The following SHISA9 variants were observed in gnomAD, a reference collection of about 807,000 sequenced individuals.
The protein encoded by SHISA9 is shisa family member 9.
Under a neutral mutation model 38.0 loss-of-function variants are expected in SHISA9, and 13 were observed. That is an observed-to-expected ratio of 0.34 (90% CI 0.22 to 0.54). SHISA9 has a LOEUF of 0.54. Among genes scored for constraint, SHISA9 ranks in the 20% least tolerant of loss-of-function variants. The pLI, the probability that SHISA9 is intolerant of heterozygous loss-of-function variation, is 0.91. For missense variants in SHISA9, 538 were observed against 575.8 expected, an observed-to-expected ratio of 0.93 and a Z score of 0.67; for synonymous variants, 275 against 242.0, an observed-to-expected ratio of 1.14 and a Z score of -1.27.
the SHISA9 span, among the ~76,000 whole-genome samples, chr16:13,467,990 T>TTTCA: frequency 6.3e-4 from 96 of 152,344 alleles, 2 homozygotes; most frequent in Non-Finnish European, 1.4e-3. Flanking sequence ...TCAAAAGAAC[T>TTTCA]GAAAAACTTA....
At chr16:12,955,314 C>T (rs577688366) in intron 2 of SHISA9, among the ~76,000 whole-genome samples, 10 of 152,190 alleles carry the variant, frequency 6.6e-5, no homozygotes, top group Admixed American at 2.0e-4. Flanking sequence ...CCCCTCCAAC[C>T]AATGGCCTCC....
the SHISA9 span, among the ~76,000 whole-genome samples, chr16:13,538,399 A>G: frequency 6.6e-6 from 1 of 152,220 alleles, no homozygotes; most frequent in Non-Finnish European, 1.5e-5. Context: ...ATTATTATCT[A>G]AACACTTGAA....
the SHISA9 span, among the ~76,000 whole-genome samples, chr16:13,308,870 A>G: frequency 6.6e-6 from 1 of 152,242 alleles, no homozygotes; most frequent in Non-Finnish European, 1.5e-5. Flanking sequence ...TATGTGGCAC[A>G]GGAGCCTCCA....
intron 2 of SHISA9, among the ~76,000 whole-genome samples, chr16:13,199,573 C>T (rs2050984170): frequency 6.6e-6 from 1 of 152,224 alleles, no homozygotes; most frequent in South Asian, 2.1e-4. Context: ...CTCTCCTCAG[C>T]TGCTTTCCTG....
intron 3 of SHISA9, among the ~76,000 whole-genome samples, chr16:13,212,184 T>G (rs545624884): frequency 6.6e-6 from 1 of 152,280 alleles, no homozygotes; most frequent in South Asian, 2.1e-4. Flanking sequence ...CTGATATATC[T>G]CTGGAAATAG....
At chr16:12,914,822 C>A (rs2071233327) in intron 1 of SHISA9, among the ~76,000 whole-genome samples, 1 of 152,202 alleles carries the variant, frequency 6.6e-6, no homozygotes, top group African/African-American at 2.4e-5. Flanking sequence ...AACTCCACCC[C>A]TGTAGTTTCT....
the SHISA9 span, among the ~76,000 whole-genome samples, chr16:13,562,082 C>T: frequency 2.6e-5 from 4 of 152,166 alleles, no homozygotes; most frequent in Non-Finnish European, 5.9e-5. Context: ...TGGTTGTCCT[C>T]AGTCACTGAC....
At chr16:13,184,079 C>G (rs1022360016) in intron 2 of SHISA9, among the ~76,000 whole-genome samples, 1 of 152,106 alleles carries the variant, frequency 6.6e-6, no homozygotes, top group Non-Finnish European at 1.5e-5. Flanking sequence ...GCACCCTCCT[C>G]TACCCAGAGG....
the SHISA9 span, among the ~76,000 whole-genome samples, chr16:13,326,851 C>T: frequency 6.7e-6 from 1 of 149,954 alleles, no homozygotes; most frequent in Non-Finnish European, 1.5e-5. Context: ...GCACATAATA[C>T]ATGTTCCACT....
the SHISA9 span, among the ~76,000 whole-genome samples, chr16:13,388,940 T>G: frequency 6.6e-6 from 1 of 152,132 alleles, no homozygotes; most frequent in African/African-American, 2.4e-5. Flanking sequence ...TTTGGAGTAG[T>G]TAGGGGCTCA....
Position 13,235,299 on chromosome 16 carries a change from C to T in SHISA9, c.1165C>T (p.Leu389Phe). The change falls in exon 5 of 5, where the codon CTT (leucine) becomes TTT (phenylalanine). Residue 389 changes from leucine to phenylalanine, a missense_variant. This residue lies in a region of SHISA9 where 326 missense variants were observed against 305.9 expected (regional missense o/e 1.07). Coordinates refer to ENST00000558583, the MANE Select transcript of SHISA9 (RefSeq NM_001145204.3). ...GCAGGCTTACAGCAACAAGGGCAAGCTTGGCACGGCCGAGACAGGCTCCAG... is the reference window on the plus strand; with the variant it reads ...GCAGGCTTACAGCAACAAGGGCAAGTTTGGCACGGCCGAGACAGGCTCCAG... The part of the protein sequence containing the change: ...RRQAYSNKGK[L>F]GTAETGSSDP... The T allele has an allele frequency of 6.4e-7, 1 of 1,551,102 alleles. No homozygotes were observed. The highest frequency in any genetic ancestry group is 8.7e-7 in the Non-Finnish European group (1 of 1,147,030).
At chr16:13,200,442 A>ACACACACACACAC (rs1555470817) in intron 2 of SHISA9, among the ~76,000 whole-genome samples, 125 of 132,326 alleles carry the variant, frequency 9.4e-4, no homozygotes, top group African/African-American at 3.4e-3. Context: ...ACACACACAC[A>ACACACACACACAC]GCAGCAGCAG....
chr16:13,332,188 G>A, the SHISA9 span, among the ~76,000 whole-genome samples: 1 of 152,188 alleles, frequency 6.6e-6, no homozygotes, highest in African/African-American at 2.4e-5. Flanking sequence ...GGAAGAGGCA[G>A]GGACAAATCT....
chr16:13,066,441 T>C (rs1214255919), intron 2 of SHISA9, among the ~76,000 whole-genome samples: 1 of 152,260 alleles, frequency 6.6e-6, no homozygotes, highest in Non-Finnish European at 1.5e-5. Context: ...CTATAGAATA[T>C]AAATTTCATA....
chr16:13,517,916 C>A, the SHISA9 span, among the ~76,000 whole-genome samples: 1 of 152,200 alleles, frequency 6.6e-6, no homozygotes, highest in African/African-American at 2.4e-5. Flanking sequence ...AATAAATGTC[C>A]TCCATGTTTC....
At chr16:13,350,915 G>C in the SHISA9 span, among the ~76,000 whole-genome samples, 1 of 152,108 alleles carries the variant, frequency 6.6e-6, no homozygotes, top group Non-Finnish European at 1.5e-5. Flanking sequence ...ATACAACCTG[G>C]CTGTTCCAGG....
chr16:12,975,656 CG>C lies in SHISA9; in HGVS notation c.691+58849del, dbSNP rs139081896. On this transcript the variant is annotated intron_variant, in intron 2 of 4. Transcript: ENST00000558583. ...GTAAATGGGTGGGGTGGGACGGGGG[CG>C]GGGGGGGTAAGGGCATGTCACTATG... Among the ~76,000 whole-genome samples, 392 of 109,572 alleles carry C rather than the reference CG, an allele frequency of 3.6e-3. 5 individuals are homozygous for C. The highest frequency in any genetic ancestry group is 0.013 in the African/African-American group (355 of 26,898). The allele number at this position is 109,572 out of a possible 152,430, so 71.9% of individuals were successfully genotyped here.
chr16:13,444,982 C>CTATATA, the SHISA9 span, among the ~76,000 whole-genome samples: 216 of 106,210 alleles, frequency 2.0e-3, 1 homozygote, highest in African/African-American at 2.6e-3. Context: ...CCATGCCTAG[C>CTATATA]TATATATATA....
chr16:12,939,002 A>G (rs1213953442), intron 2 of SHISA9, among the ~76,000 whole-genome samples: 10 of 152,086 alleles, frequency 6.6e-5, no homozygotes, highest in Admixed American at 6.6e-4. Flanking sequence ...GTACATTCAG[A>G]TGATGTTTTG....
Sources: gnomAD v4.1 joint callset for allele counts (sites outside exome capture counted in the v4.1 genomes callset) on GRCh38, gnomAD v4.1.1 for gene constraint, gnomAD v4.1.1 regional missense constraint, MANE v1.5 for transcripts, NCBI Gene and HGNC (gene_info 2026-07-23, HGNC 2026-07-21) for gene names.